The following NANP variants were observed in gnomAD, a reference collection of about 807,000 sequenced individuals.
NANP encodes the protein N-acylneuraminate-9-phosphatase.
NANP carries 15 observed loss-of-function variants against 16.9 expected under a neutral mutation model. The ratio of observed to expected loss-of-function variants is 0.89; its 90% CI spans 0.59 to 1.37. NANP has a LOEUF of 1.37. Ranked by LOEUF, NANP falls within the 40% of genes most tolerant of loss-of-function variation. NANP has a pLI of 0.00. For missense variants in NANP, 290 were observed against 303.5 expected (o/e 0.96, Z 0.33); for synonymous variants, 135 against 112.6 (o/e 1.20, Z -1.26).
At chr20:25,619,573 G>A (rs2065357316) in intron 1 of NANP, among the ~76,000 whole-genome samples, 2 of 152,086 alleles carry the variant, frequency 1.3e-5, no homozygotes, top group Non-Finnish European at 2.9e-5. Flanking sequence ...CCAGCCCTAG[G>A]AATTTTAGGT....
intron 1 of NANP, among the ~76,000 whole-genome samples, chr20:25,619,318 G>C (rs929018945): frequency 6.6e-6 from 1 of 151,880 alleles, no homozygotes; most frequent in Non-Finnish European, 1.5e-5. Context: ...GACGGGTCTT[G>C]CCATATTGCC....
At chr20:25,617,489 G>A (rs1213045026) in intron 1 of NANP, among the ~76,000 whole-genome samples, 1 of 151,984 alleles carries the variant, frequency 6.6e-6, no homozygotes, top group African/African-American at 2.4e-5. Flanking sequence ...AGGATTACAG[G>A]CGTGAACCAC....
chr20:25,616,620 T>A, intron 1 of NANP, 39 bp from the exon 2 acceptor site: 5 of 1,437,598 alleles, frequency 3.5e-6, no homozygotes, highest in Non-Finnish European at 4.7e-6. Context: ...ACATTGCATG[T>A]CTTTAGTAGT....
At chr20:25,618,580 T>C (rs2065352812) in intron 1 of NANP, among the ~76,000 whole-genome samples, 1 of 151,910 alleles carries the variant, frequency 6.6e-6, no homozygotes, top group African/African-American at 2.4e-5. Context: ...CCTCTCCAAG[T>C]ATGGGCCTCT....
chr20:25,614,588 A>T lies in NANP; in HGVS notation c.*1337T>A, dbSNP rs2065335144. Reference sequence around the variant, plus strand: ...TGCAAAACAATGATATATTTCCAAGAATGTGAAAAACAGAGGAAATTTAAG... The same window carrying T: ...TGCAAAACAATGATATATTTCCAAGTATGTGAAAAACAGAGGAAATTTAAG... On this transcript the variant is annotated 3_prime_UTR_variant, in exon 2 of 2. Transcript: ENST00000304788. 6.6e-6 allele frequency: 1 copy of T among 152,238 alleles called. No individual in the cohort carries two copies. The highest frequency in any genetic ancestry group is 1.5e-5 in the Non-Finnish European group (1 of 68,048). 9.4% of individuals were successfully genotyped at this position (152,238 alleles called of 1,614,324 possible).
At position 25,616,203 on chromosome 20, in the gene NANP, C is replaced by A. The variant is rs1230860384; in HGVS notation, c.469G>T (p.Gly157Cys). Residue 157 changes from glycine (G) to cysteine (C), a missense_variant, in exon 2 of 2, where the codon GGT (glycine) becomes TGT (cysteine). Transcript: ENST00000304788. Reference sequence around the variant, plus strand: ...GGTTTCTCCTCTCTCTGCTCTCCACCTACAACAACAGCGTCAAAATAGGAC... The same window carrying A: ...GGTTTCTCCTCTCTCTGCTCTCCACATACAACAACAGCGTCAAAATAGGAC... ...CQSYFDAVVVGGEQREEKPAP... is the reference protein window; with the variant it reads ...CQSYFDAVVVCGEQREEKPAP... 7 of 1,614,170 alleles carry A rather than the reference C, an allele frequency of 4.3e-6. No homozygotes were observed. The highest frequency in any genetic ancestry group is 5.1e-6 in the Non-Finnish European group (6 of 1,180,020).
In NANP at chr20:25,623,891, T is replaced by C. The variant is rs2065379439; in HGVS notation, c.58A>G (p.Thr20Ala). 7 of 1,613,500 alleles carry C rather than the reference T, an allele frequency of 4.3e-6. No homozygotes were observed. The East Asian group carries it at 1.6e-4, about 36-fold the overall frequency. ...FFDLDNTLID[T>A]AGASRRGMLE... ...ATGCCTCTCCTGCTCGCCCCGGCCGTGTCGATGAGAGTGTTGTCCAAGTCA... is the reference window on the plus strand; with the variant it reads ...ATGCCTCTCCTGCTCGCCCCGGCCGCGTCGATGAGAGTGTTGTCCAAGTCA... The change falls in exon 1 of 2, where the codon ACG becomes GCG. Residue 20 changes from threonine (T) to alanine (A), a missense_variant. Transcript: ENST00000304788.
chr20:25,619,936 G>C (rs994358213), intron 1 of NANP, among the ~76,000 whole-genome samples: 1 of 152,190 alleles, frequency 6.6e-6, no homozygotes, highest in African/African-American at 2.4e-5. Flanking sequence ...CCTTAAAAGG[G>C]AGATGTTTAT....
At chr20:25,618,429 G>A (rs2065352152) in intron 1 of NANP, among the ~76,000 whole-genome samples, 2 of 152,184 alleles carry the variant, frequency 1.3e-5, no homozygotes, top group Admixed American at 6.5e-5. Context: ...AGCCCAAATG[G>A]AGGCATGTGA....
intron 1 of NANP, among the ~76,000 whole-genome samples, chr20:25,618,937 A>C (rs1458496876): frequency 6.6e-6 from 1 of 152,134 alleles, no homozygotes; most frequent in Non-Finnish European, 1.5e-5. Context: ...GAAGAAAGTC[A>C]AACATGCCAG....
At chr20:25,623,373 C>G (rs971480417) in intron 1 of NANP, among the ~76,000 whole-genome samples, 3 of 152,238 alleles carry the variant, frequency 2.0e-5, no homozygotes, top group African/African-American at 7.2e-5. Context: ...TAAGTCCAGG[C>G]TCGGTACTGA....
At position 25,616,301 on chromosome 20, in the gene NANP, T is replaced by G. The variant is rs2065343248; in HGVS notation, c.371A>C (p.Glu124Ala). Residue 124 changes from glutamate to alanine, a missense_variant, in exon 2 of 2, where the codon GAG (glutamate) becomes GCG (alanine). By Grantham distance (107) the Glu-to-Ala change is moderately radical. Transcript: ENST00000304788. ...ATTCGTTAATAGAAGTAGGCGGACCTCCTTTCGAAGTTCAGTAAGCATGGC... is the reference window on the plus strand; with the variant it reads ...ATTCGTTAATAGAAGTAGGCGGACCGCCTTTCGAAGTTCAGTAAGCATGGC... ...VKAMLTELRKEVRLLLLTNGD... is the reference protein window; with the variant it reads ...VKAMLTELRKAVRLLLLTNGD... 6.2e-7 allele frequency: 1 copy of G among 1,614,084 alleles called. No homozygotes were observed. Among genetic ancestry groups the G allele is most frequent in the African/African-American group, 1.3e-5 (1 of 74,944 alleles).
intron 1 of NANP, among the ~76,000 whole-genome samples, chr20:25,619,139 T>A (rs968502797): frequency 1.3e-5 from 2 of 148,552 alleles, no homozygotes; most frequent in Non-Finnish European, 3.0e-5. Flanking sequence ...TTTTTTTTTT[T>A]CCCCAAACAG....
rs1050974240 is a variant in NANP, at chr20:25,613,020, A to C, written c.*2905T>G. On this transcript the variant is annotated 3_prime_UTR_variant, in exon 2 of 2. Transcript: ENST00000304788. Reference sequence around the variant, plus strand: ...AATGAATATATTCCCTAATTCAAAAAAGAATGGAATGAAAAATATCATCAC... The same window carrying C: ...AATGAATATATTCCCTAATTCAAAACAGAATGGAATGAAAAATATCATCAC... 7 of 152,216 alleles carry C rather than the reference A, an allele frequency of 4.6e-5. No homozygotes were observed. Among genetic ancestry groups the C allele is most frequent in the African/African-American group, 1.7e-4 (7 of 41,462 alleles). 9.4% of individuals were successfully genotyped at this position (152,216 alleles called of 1,614,324 possible).
intron 1 of NANP, among the ~76,000 whole-genome samples, chr20:25,622,706 A>T (rs1459838981): frequency 2.0e-5 from 3 of 152,364 alleles, no homozygotes; most frequent in East Asian, 3.9e-4. Context: ...ACAGACTTTA[A>T]AAATGTCTAC....
chr20:25,616,560 T>C lies in NANP; in HGVS notation c.112A>G (p.Lys38Glu). The change falls in exon 2 of 2, where the codon AAA becomes GAA. Residue 38 changes from lysine (K) to glutamate (E), a missense_variant. Coordinates refer to ENST00000304788, the MANE Select transcript of NANP (RefSeq NM_152667.3). ...TCAGCCTCTTCTTTATAATGGTATT[T>C]TGATTGTAAGAGTTTTATCACCTAA... ...MLEVIKLLQS[K>E]YHYKEEAEII... 1 of 1,594,440 alleles carries C rather than the reference T, an allele frequency of 6.3e-7. No homozygotes were observed. Among genetic ancestry groups the C allele is most frequent in the East Asian group, 2.2e-5 (1 of 44,686 alleles).
At chr20:25,616,715 G>A (rs1334349608) in intron 1 of NANP, 134 bp from the exon 2 acceptor site, 19 of 676,772 alleles carry the variant, frequency 2.8e-5, no homozygotes, top group South Asian at 4.5e-5. Context: ...TAACTACACC[G>A]TTTCTGGTGG....
In NANP at chr20:25,616,538, G is replaced by A; in HGVS notation, c.134C>T (p.Ala45Val). The stretch of plus-strand genomic sequence containing the variant: ...TTGAACTTTATCACAGATGATTTCA[G>A]CCTCTTCTTTATAATGGTATTTTGA... The part of the protein sequence containing the change: ...LQSKYHYKEE[A>V]EIICDKVQVK... The change falls in exon 2 of 2, where the codon GCT becomes GTT. Residue 45 changes from alanine (A) to valine (V), a missense_variant. By Grantham distance (64) the Ala-to-Val change is moderately conservative. Coordinates refer to ENST00000304788, the MANE Select transcript of NANP (RefSeq NM_152667.3). 1 of 1,607,870 alleles carries A rather than the reference G, an allele frequency of 6.2e-7. No individual in the cohort carries two copies. The highest frequency in any genetic ancestry group is 8.5e-7 in the Non-Finnish European group (1 of 1,177,794).
At chr20:25,622,080 A>G (rs1568989237) in intron 1 of NANP, among the ~76,000 whole-genome samples, 1 of 152,252 alleles carries the variant, frequency 6.6e-6, no homozygotes, top group Non-Finnish European at 1.5e-5. Context: ...GCATTAAGAA[A>G]TATCTGAACA....
Sources: allele counts gnomAD v4.1 joint callset (sites outside exome capture counted in the v4.1 genomes callset), GRCh38; gene constraint gnomAD v4.1.1; transcripts MANE v1.5; gene names NCBI Gene and HGNC (gene_info 2026-07-23, HGNC 2026-07-21).